UBE3D: variants seen among roughly 807,000 people sequenced by gnomAD.
UBE3D encodes ubiquitin protein ligase E3D.
Under a neutral mutation model 49.6 loss-of-function variants are expected in UBE3D, and 48 were observed. The ratio of observed to expected loss-of-function variants is 0.97; its 90% CI spans 0.77 to 1.23. UBE3D has a LOEUF of 1.23. Ranked by LOEUF, UBE3D falls within the 50% of genes most tolerant of loss-of-function variation. UBE3D has a pLI of 0.00. For missense variants in UBE3D, 452 were observed against 468.4 expected (o/e 0.96, Z 0.32); for synonymous variants, 189 against 174.2 (o/e 1.08, Z -0.67).
chr6:83,000,647 A>T (rs1157876000), intron 8 of UBE3D, among the ~76,000 whole-genome samples: 1 of 152,128 alleles, frequency 6.6e-6, no homozygotes, highest in Non-Finnish European at 1.5e-5. Context: ...TAGGATAAAG[A>T]CTAAATTCTT....
chr6:83,043,052 CTG>C (rs1173346372), intron 4 of UBE3D, among the ~76,000 whole-genome samples: 3 of 152,204 alleles, frequency 2.0e-5, no homozygotes, highest in Non-Finnish European at 4.4e-5. Context: ...GATACTAAAA[CTG>C]TAATGTCTAA....
intron 8 of UBE3D, among the ~76,000 whole-genome samples, chr6:82,990,301 A>ATC (rs1253476234): frequency 1.3e-5 from 2 of 152,140 alleles, no homozygotes; most frequent in African/African-American, 4.8e-5. Context: ...TTTTTGAGAC[A>ATC]GAGTCTCACT....
chr6:82,970,699 C>T (rs1292544758), intron 8 of UBE3D, among the ~76,000 whole-genome samples: 1 of 152,044 alleles, frequency 6.6e-6, no homozygotes, highest in Admixed American at 6.6e-5. Flanking sequence ...ATTAGCCGGG[C>T]GTGGTGGCAG....
At chr6:83,058,907 T>C (rs1163193580) in intron 1 of UBE3D, among the ~76,000 whole-genome samples, 1 of 152,206 alleles carries the variant, frequency 6.6e-6, no homozygotes, top group African/African-American at 2.4e-5. Flanking sequence ...GTTTCAAACC[T>C]GAGTCAAAAG....
intron 8 of UBE3D, among the ~76,000 whole-genome samples, chr6:82,961,087 G>C (rs1359541705): frequency 4.6e-5 from 7 of 152,114 alleles, no homozygotes; most frequent in Non-Finnish European, 8.8e-5. Flanking sequence ...CTCGAAATGA[G>C]GTAAACACTG....
intron 8 of UBE3D, among the ~76,000 whole-genome samples, chr6:82,969,286 T>A (rs1399544884): frequency 6.6e-6 from 1 of 152,056 alleles, no homozygotes; most frequent in African/African-American, 2.4e-5. Flanking sequence ...AAAACCTTCC[T>A]CTTTTACAAT....
chr6:83,044,830 C>T (rs1782921094), intron 3 of UBE3D, among the ~76,000 whole-genome samples, 171 bp from the exon 4 acceptor site: 3 of 152,128 alleles, frequency 2.0e-5, no homozygotes, highest in Admixed American at 2.0e-4. Flanking sequence ...TTTGAAAATG[C>T]AAGGAGGTAT....
chr6:82,883,772 CA>C, the UBE3D span, among the ~76,000 whole-genome samples: 1 of 152,140 alleles, frequency 6.6e-6, no homozygotes. Context: ...GGTAATGCTA[CA>C]TAACTGCTTT....
At chr6:82,968,772 T>G (rs1018609963) in intron 8 of UBE3D, among the ~76,000 whole-genome samples, 3 of 152,224 alleles carry the variant, frequency 2.0e-5, no homozygotes, top group African/African-American at 7.2e-5. Context: ...CTGGTTTATA[T>G]TTGCTTAATT....
chr6:82,943,546 G>C (rs1358790140), intron 9 of UBE3D, among the ~76,000 whole-genome samples: 2 of 152,070 alleles, frequency 1.3e-5, no homozygotes, highest in East Asian at 3.9e-4. Context: ...TGAGTTGGGA[G>C]GACTGCTTGG....
intron 7 of UBE3D, among the ~76,000 whole-genome samples, chr6:83,020,978 A>G (rs151027598): frequency 4.6e-5 from 7 of 152,232 alleles, no homozygotes; most frequent in African/African-American, 1.7e-4. Context: ...GACTATCCAG[A>G]TAAATGCTCA....
intron 8 of UBE3D, 132 bp downstream of exon 8, chr6:83,018,841 A>G (rs915044057): frequency 4.5e-6 from 4 of 893,394 alleles, no homozygotes; most frequent in South Asian, 1.6e-5. Context: ...TATAATATTT[A>G]GCAGTATTGG....
intron 9 of UBE3D, chr6:82,938,213 T>TTAA (rs1774736197): frequency 1.3e-5 from 2 of 152,196 alleles, no homozygotes; most frequent in African/African-American, 4.8e-5. Flanking sequence ...CATATGTAAT[T>TTAA]TAACCCAACC....
intron 8 of UBE3D, among the ~76,000 whole-genome samples, chr6:82,985,417 C>A (rs1345513208): frequency 6.6e-6 from 1 of 152,022 alleles, no homozygotes; most frequent in Non-Finnish European, 1.5e-5. Flanking sequence ...GGCTGGAGTG[C>A]AGTGGTGCAA....
At chr6:83,061,267 G>C (rs567114730) in intron 1 of UBE3D, among the ~76,000 whole-genome samples, 1 of 152,310 alleles carries the variant, frequency 6.6e-6, no homozygotes, top group East Asian at 1.9e-4. Context: ...AACTCTTCTA[G>C]ATTGAAACAG....
rs199506180 is a variant in UBE3D, at chr6:83,054,422, AAAC to A, written c.275-187_275-185del. The stretch of plus-strand genomic sequence containing the variant: ...AGCAAATATTGTGAAGTGTTTTTGA[AAAC>A]AACAGATTTTGCTAAGTGTTCCAGA... On this transcript the variant is annotated intron_variant, in intron 2 of 9. Transcript: ENST00000369747. Among the ~76,000 whole-genome samples, 567 of 152,148 alleles carry A rather than the reference AAAC, an allele frequency of 3.7e-3. 3 individuals are homozygous for A. Among genetic ancestry groups the A allele is most frequent in the South Asian group, 0.021 (100 of 4,826 alleles).
intron 5 of UBE3D, among the ~76,000 whole-genome samples, chr6:83,024,512 C>T (rs112657051): frequency 0.01 from 1,528 of 152,190 alleles, 22 homozygotes; most frequent in African/African-American, 0.035. Flanking sequence ...GGGGAACTAA[C>T]GTGGGGATTC....
At chr6:83,049,982 C>A (rs1314712348) in intron 3 of UBE3D, among the ~76,000 whole-genome samples, 1 of 152,074 alleles carries the variant, frequency 6.6e-6, no homozygotes. Context: ...TACATACATT[C>A]ACACAAATTT....
intron 9 of UBE3D, among the ~76,000 whole-genome samples, chr6:82,931,360 G>C (rs886980046): frequency 6.6e-6 from 1 of 152,216 alleles, no homozygotes; most frequent in East Asian, 1.9e-4. Context: ...GCACCACCTG[G>C]TGGAGCTGTG....
Sources: gnomAD v4.1 joint callset for allele counts (sites outside exome capture counted in the v4.1 genomes callset) on GRCh38, gnomAD v4.1.1 for gene constraint, MANE v1.5 for transcripts, NCBI Gene and HGNC (gene_info 2026-07-23, HGNC 2026-07-21) for gene names.